CACNA1C: variants seen among roughly 807,000 people sequenced by gnomAD.
CACNA1C encodes the protein calcium voltage-gated channel subunit alpha1 C, also known as voltage-dependent L-type calcium channel subunit alpha-1C.
Under a neutral mutation model 229.0 loss-of-function variants are expected in CACNA1C, and 30 were observed. The observed-to-expected ratio is 0.13, with a 90% CI of 0.10 to 0.18. The LOEUF is 0.18. Among genes scored for constraint, CACNA1C ranks in the 10% least tolerant of loss-of-function variants. The probability of loss-of-function intolerance (pLI) is 1.00; values close to 1 mark genes in which losing one functional copy is unlikely to be tolerated. For synonymous variants in CACNA1C, 1,114 were observed against 1,132.5 expected, an observed-to-expected ratio of 0.98 and a Z score of 0.33; for missense variants, 1,658 against 2,845.0, an observed-to-expected ratio of 0.58 and a Z score of 9.49.
At chr12:2,062,604 G>A (rs2057893569) in intron 1 of CACNA1C, among the ~76,000 whole-genome samples, 1 of 152,204 alleles carries the variant, frequency 6.6e-6, no homozygotes, top group South Asian at 2.1e-4. Flanking sequence ...GCTGCATGTT[G>A]TCGTGGTACC....
At position 2,610,719 on chromosome 12, in the gene CACNA1C, C is replaced by T. The variant is rs1176709557; in HGVS notation, c.3717+20C>T. The T allele has an allele frequency of 6.2e-7, 1 of 1,613,544 alleles. No individual in the cohort carries two copies. The highest frequency in any genetic ancestry group is 2.2e-5 in the East Asian group (1 of 44,892). The stretch of plus-strand genomic sequence containing the variant: ...ATGCAGGTCAGTCCCAGGAGGAGCA[C>T]AGCCATGGTGCTGCAGAAGGGAGTG... On this transcript the variant is annotated intron_variant, in intron 28 of 46. Coordinates refer to ENST00000399655, the MANE Select transcript of CACNA1C (RefSeq NM_000719.7).
chr12:2,547,310 T>C, intron 9 of CACNA1C: 1 of 624,156 alleles, frequency 1.6e-6, no homozygotes, highest in Non-Finnish European at 2.9e-6. Context: ...GAATTTTTTT[T>C]GTTTATTTTC....
intron 3 of CACNA1C, among the ~76,000 whole-genome samples, chr12:2,337,411 C>T (rs1233219662): frequency 6.6e-6 from 1 of 152,224 alleles, no homozygotes; most frequent in African/African-American, 2.4e-5. Context: ...GCCTGAGGGT[C>T]ACAGTGCTCA....
intron 3 of CACNA1C, among the ~76,000 whole-genome samples, chr12:2,438,812 G>A (rs564083911): frequency 3.3e-4 from 50 of 152,220 alleles, no homozygotes; most frequent in Non-Finnish European, 4.3e-4. Flanking sequence ...CCTGAGTGGG[G>A]AGAGGCCATG....
At chr12:2,358,648 T>C (rs1339203221) in intron 3 of CACNA1C, among the ~76,000 whole-genome samples, 1 of 152,214 alleles carries the variant, frequency 6.6e-6, no homozygotes, top group Non-Finnish European at 1.5e-5. Flanking sequence ...CTAAGTGCAC[T>C]AGGCTTTCTG....
rs1603475374 is a variant in CACNA1C, at chr12:2,695,941, T to A, written c.*4742T>A. 1 of 152,422 alleles carries A rather than the reference T, an allele frequency of 6.6e-6. No homozygotes were observed. 9.4% of individuals were successfully genotyped at this position (152,422 alleles called of 1,614,324 possible). A position where few individuals can be genotyped will look rare whatever the true frequency, so the allele number is the denominator to read the frequency against. On this transcript the variant is annotated 3_prime_UTR_variant, in exon 47 of 47. Coordinates refer to ENST00000399655, the MANE Select transcript of CACNA1C (RefSeq NM_000719.7). ...ACCGTTAAGGCACAAGGGCTGGGGTTGAGCTCTAGATGAGGGACTTTCCTG... is the reference window on the plus strand; with the variant it reads ...ACCGTTAAGGCACAAGGGCTGGGGTAGAGCTCTAGATGAGGGACTTTCCTG...
intron 1 of CACNA1C, among the ~76,000 whole-genome samples, chr12:2,068,670 G>A (rs2060227828): frequency 6.6e-6 from 1 of 152,198 alleles, no homozygotes; most frequent in South Asian, 2.1e-4. Context: ...AGTCTTCTGT[G>A]TGCCTTGCCT....
At chr12:2,032,053 C>T (rs371376190) in intron 1 of CACNA1C, among the ~76,000 whole-genome samples, 10 of 151,958 alleles carry the variant, frequency 6.6e-5, no homozygotes, top group East Asian at 3.9e-4. Flanking sequence ...AGCAGTGTAA[C>T]CACAGCTCCC....
At chr12:2,051,682 CAA>C (rs970814396), upstream of CACNA1C, among the ~76,000 whole-genome samples, 1 of 152,244 alleles carries the variant, frequency 6.6e-6, no homozygotes, top group African/African-American at 2.4e-5. Flanking sequence ...AGAAAGGAGT[CAA>C]GAGTGACTCC....
chr12:2,680,406 G>T, intron 42 of CACNA1C: 1 of 1,560,766 alleles, frequency 6.4e-7, no homozygotes, highest in Non-Finnish European at 8.7e-7. Context: ...CTTCCCTCCC[G>T]CCCTGGGCCC....
intron 9 of CACNA1C, among the ~76,000 whole-genome samples, chr12:2,515,461 G>A (rs891049826): frequency 1.3e-5 from 2 of 152,188 alleles, no homozygotes; most frequent in Admixed American, 1.3e-4. Context: ...TACGTTTGAA[G>A]CATGTGTGTT....
At chr12:2,388,667 C>T (rs951671813) in intron 3 of CACNA1C, among the ~76,000 whole-genome samples, 6 of 152,066 alleles carry the variant, frequency 3.9e-5, no homozygotes, top group Non-Finnish European at 5.9e-5. Context: ...TTGGCAGTGT[C>T]TGTGACATGT....
chr12:2,251,929 C>T (rs2075736456), intron 3 of CACNA1C, among the ~76,000 whole-genome samples: 1 of 152,216 alleles, frequency 6.6e-6, no homozygotes, highest in South Asian at 2.1e-4. Context: ...CTGTTTCTTA[C>T]TGCAACTTGA....
chr12:2,241,781 A>G (rs1049095145), intron 3 of CACNA1C, among the ~76,000 whole-genome samples: 8 of 152,232 alleles, frequency 5.3e-5, no homozygotes, highest in Admixed American at 2.6e-4. Context: ...CATCTGCCAT[A>G]AAGTGGAGAT....
chr12:2,112,678 G>A (rs1188489396), intron 1 of CACNA1C, among the ~76,000 whole-genome samples: 1 of 152,306 alleles, frequency 6.6e-6, no homozygotes, highest in South Asian at 2.1e-4. Context: ...TGACCAGCTG[G>A]TCTCCAAGAG....
At position 2,633,584 on chromosome 12, in the gene CACNA1C, A is replaced by C. The variant is rs756678752; in HGVS notation, c.3829-713A>C. 1 of 1,063,626 alleles carries C rather than the reference A, an allele frequency of 9.4e-7. No individual in the cohort carries two copies. Among genetic ancestry groups the C allele is most frequent in the African/African-American group, 1.6e-5 (1 of 64,208 alleles). The allele number at this position is 1,063,626 out of a possible 1,614,324, so 65.9% of individuals were successfully genotyped here. The stretch of plus-strand genomic sequence containing the variant: ...GGTGTTGCTCTGTTCTTGTCTGTCT[A>C]ATATTCCTTTTTAATCCCCATCCTG... On this transcript the variant is annotated intron_variant, in intron 29 of 46. Coordinates refer to ENST00000399655, the MANE Select transcript of CACNA1C (RefSeq NM_000719.7). The surrounding 1 kb of genome is among the most constrained non-coding windows in gnomAD (Gnocchi z 5.8).
intron 9 of CACNA1C, among the ~76,000 whole-genome samples, chr12:2,542,242 G>A (rs2239117): frequency 0.63 from 96,094 of 152,132 alleles, 32,280 homozygotes; most frequent in Non-Finnish European, 0.74. Flanking sequence ...GTCATCTTTG[G>A]ACACATCATG....
chr12:2,156,237 A>G (rs183259413), intron 3 of CACNA1C, among the ~76,000 whole-genome samples: 1 of 152,372 alleles, frequency 6.6e-6, no homozygotes, highest in African/African-American at 2.4e-5. Context: ...TGGTAGTTAC[A>G]TGAAAGTATG....
Position 2,696,423 on chromosome 12 carries a change from C to G in CACNA1C, c.*5224C>G, listed in dbSNP as rs1402710909. 1 of 152,170 alleles carries G rather than the reference C, an allele frequency of 6.6e-6. No homozygotes were observed. The highest frequency in any genetic ancestry group is 1.5e-5 in the Non-Finnish European group (1 of 68,046). 9.4% of individuals were successfully genotyped at this position (152,170 alleles called of 1,614,324 possible). A position where few individuals can be genotyped will look rare whatever the true frequency, so the allele number is the denominator to read the frequency against. ...CCTTCAGATCAGTTACTGGCTGCTA[C>G]ACAGGGACACCCCCACCTTTTCAGG... On this transcript the variant is annotated 3_prime_UTR_variant, in exon 47 of 47. Coordinates refer to ENST00000399655, the MANE Select transcript of CACNA1C (RefSeq NM_000719.7).
Sources: gnomAD v4.1 joint callset for allele counts (sites outside exome capture counted in the v4.1 genomes callset) on GRCh38, gnomAD v4.1.1 for gene constraint, Gnocchi (gnomAD v3.1) non-coding constraint, MANE v1.5 for transcripts, NCBI Gene and HGNC (gene_info 2026-07-23, HGNC 2026-07-21) for gene names.